FHOD3: variants seen among roughly 807,000 people sequenced by gnomAD.
The protein encoded by FHOD3 is FH1/FH2 domain-containing protein 3.
In FHOD3, 90 loss-of-function variants were observed where a neutral mutation model predicts 173.0. The ratio of observed to expected loss-of-function variants is 0.52; its 90% CI spans 0.44 to 0.62. FHOD3 has a LOEUF of 0.62. Among genes scored for constraint, FHOD3 ranks in the 20% least tolerant of loss-of-function variants. FHOD3 has a pLI of 0.00. For missense variants in FHOD3, 1,945 were observed against 2,034.7 expected, an observed-to-expected ratio of 0.96 and a Z score of 0.85; for synonymous variants, 828 against 823.0, an observed-to-expected ratio of 1.01 and a Z score of -0.10.
intron 28 of FHOD3, 134 bp downstream of exon 28, chr18:36,769,560 C>T: frequency 8.3e-7 from 1 of 1,206,756 alleles, no homozygotes; most frequent in South Asian, 1.6e-5. Flanking sequence ...TTGCACTCAT[C>T]CACAGAAAGT....
At position 36,464,845 on chromosome 18, in the gene FHOD3, C is replaced by A. The variant is rs549708059; in HGVS notation, c.338-37087C>A. On this transcript the variant is annotated intron_variant, in intron 3 of 28. Coordinates refer to ENST00000590592, the MANE Select transcript of FHOD3 (RefSeq NM_001281740.3). ...CTTGCTCCCACCCTCTGTCTCTCCC[C>A]CCTCTTTCTTCCTTCTTTCTTGTGT... 4.6e-5 allele frequency among the ~76,000 whole-genome samples: 7 copies of A among 152,192 alleles called. No homozygotes were observed. The East Asian group carries it at 5.8e-4, about 13-fold the overall frequency.
At position 36,314,234 on chromosome 18, in the gene FHOD3, C is replaced by T. The variant is rs2092316097; in HGVS notation, c.165+16234C>T. ...GTCCCCTGCCTCATGGCCTCATCAT[C>T]CTGGGCTCTGACGTCACCCTGGCTC... On this transcript the variant is annotated intron_variant, in intron 1 of 28. Transcript: ENST00000590592. Among the ~76,000 whole-genome samples the T allele has an allele frequency of 2.6e-5, 4 of 152,194 alleles. No homozygotes were observed. In the South Asian group the frequency reaches 8.3e-4, roughly 32 times the overall value.
chr18:36,759,219 C>T (rs2042766113), intron 26 of FHOD3, 78 bp downstream of exon 26: 3 of 1,418,140 alleles, frequency 2.1e-6, no homozygotes, highest in Non-Finnish European at 1.9e-6. Context: ...ACATAATCAG[C>T]ATGAAGTGTC....
chr18:36,615,470 T>A (rs1167474230), intron 9 of FHOD3, among the ~76,000 whole-genome samples: 1 of 152,194 alleles, frequency 6.6e-6, no homozygotes. Flanking sequence ...ATTTTTCTGG[T>A]CTTTTTTGTA....
intron 3 of FHOD3, among the ~76,000 whole-genome samples, chr18:36,488,322 C>A (rs1367145628): frequency 1.3e-5 from 2 of 152,266 alleles, no homozygotes; most frequent in Non-Finnish European, 2.9e-5. Context: ...GTGTTTAGGG[C>A]AGAGAGGGTG....
intron 1 of FHOD3, among the ~76,000 whole-genome samples, chr18:36,309,305 G>GAGGC (rs1411712209): frequency 2.6e-5 from 4 of 151,156 alleles, no homozygotes; most frequent in Non-Finnish European, 5.9e-5. Flanking sequence ...GAGGGTCCCT[G>GAGGC]AGGCAAGTGT....
At chr18:36,772,544 T>G (rs62083203) in intron 28 of FHOD3, among the ~76,000 whole-genome samples, 17,218 of 152,302 alleles carry the variant, frequency 0.11, 1,240 homozygotes, top group Admixed American at 0.15. Context: ...CCCATAACCT[T>G]GAAATTTATG....
chr18:36,506,731 T>C (rs546430186), intron 4 of FHOD3, among the ~76,000 whole-genome samples: 1 of 152,218 alleles, frequency 6.6e-6, no homozygotes, highest in Non-Finnish European at 1.5e-5. Context: ...GGCGAAAATA[T>C]GTGATGGGCT....
chr18:36,327,134 G>C (rs1262079709), intron 1 of FHOD3, among the ~76,000 whole-genome samples: 2 of 152,216 alleles, frequency 1.3e-5, no homozygotes, highest in Non-Finnish European at 2.9e-5. Flanking sequence ...AGGCAGCTCA[G>C]ATGTTTCACC....
intron 3 of FHOD3, among the ~76,000 whole-genome samples, chr18:36,418,694 C>A (rs1332890468): frequency 1.3e-5 from 2 of 152,116 alleles, no homozygotes; most frequent in African/African-American, 4.8e-5. Flanking sequence ...GCAGGAGCAT[C>A]TCTTGAGCCC....
At chr18:36,615,250 G>A (rs942254915) in intron 9 of FHOD3, among the ~76,000 whole-genome samples, 2 of 151,994 alleles carry the variant, frequency 1.3e-5, no homozygotes, top group Admixed American at 1.3e-4. Context: ...CATTCTATGG[G>A]TTGTATTTTT....
At chr18:36,306,234 G>T (rs548702597) in intron 1 of FHOD3, among the ~76,000 whole-genome samples, 24 of 152,344 alleles carry the variant, frequency 1.6e-4, no homozygotes, top group African/African-American at 5.5e-4. Context: ...AAGTGGTGGA[G>T]AGTGTGGAGG....
At chr18:36,603,362 G>A (rs910884966) in intron 8 of FHOD3, among the ~76,000 whole-genome samples, 4 of 152,100 alleles carry the variant, frequency 2.6e-5, no homozygotes, top group African/African-American at 9.7e-5. Context: ...ATGCGTGCAG[G>A]TGTGTGTGCT....
In FHOD3 at chr18:36,640,474, A is replaced by G. The variant is rs140349471; in HGVS notation, c.1197-8842A>G. On this transcript the variant is annotated intron_variant, in intron 10 of 28. Coordinates refer to ENST00000590592, the MANE Select transcript of FHOD3 (RefSeq NM_001281740.3). ...AGAAAGTGTGAGTCACTGTGAGGCC[A>G]AGATCAAACTGCAATTTAAGGATTC... Among the ~76,000 whole-genome samples, 122 of 152,360 alleles carry G rather than the reference A, an allele frequency of 8.0e-4. 1 individual carries two copies. The East Asian group carries it at 0.022, about 27-fold the overall frequency.
intron 3 of FHOD3, among the ~76,000 whole-genome samples, chr18:36,393,090 A>G (rs908563359): frequency 6.6e-6 from 1 of 152,266 alleles, no homozygotes; most frequent in African/African-American, 2.4e-5. Flanking sequence ...GAAATGCTGC[A>G]GCCAGCTCCA....
At chr18:36,322,770 C>A (rs1297403450) in intron 1 of FHOD3, among the ~76,000 whole-genome samples, 1 of 152,184 alleles carries the variant, frequency 6.6e-6, no homozygotes, top group Non-Finnish European at 1.5e-5. Context: ...CTGCTTTGTG[C>A]TTGCTGGCTT....
chr18:36,359,860 GT>G (rs2145840313), intron 2 of FHOD3, among the ~76,000 whole-genome samples: 1 of 152,270 alleles, frequency 6.6e-6, no homozygotes, highest in Admixed American at 6.5e-5. Context: ...ACGTTAACTA[GT>G]TCCTGATACA....
At chr18:36,757,518 C>T (rs888574278) in intron 25 of FHOD3, among the ~76,000 whole-genome samples, 1 of 152,166 alleles carries the variant, frequency 6.6e-6, no homozygotes, top group African/African-American at 2.4e-5. Context: ...CAAAGCCAGA[C>T]AGTAGACTTA....
intron 5 of FHOD3, among the ~76,000 whole-genome samples, chr18:36,542,790 G>A (rs1015696091): frequency 6.6e-6 from 1 of 152,076 alleles, no homozygotes; most frequent in Admixed American, 6.5e-5. Context: ...ACCTGTATTT[G>A]CTAAGAGAAA....
Sources: allele counts gnomAD v4.1 joint callset (sites outside exome capture counted in the v4.1 genomes callset), GRCh38; gene constraint gnomAD v4.1.1; transcripts MANE v1.5; gene names NCBI Gene and HGNC (gene_info 2026-07-23, HGNC 2026-07-21).